TPH2: variants seen among roughly 807,000 people sequenced by gnomAD.
TPH2 encodes the protein tryptophan 5-hydroxylase 2.
Under a neutral mutation model 59.1 loss-of-function variants are expected in TPH2, and 27 were observed. The ratio of observed to expected loss-of-function variants is 0.46; its 90% CI spans 0.34 to 0.63. TPH2 has a LOEUF of 0.63. Ranked by LOEUF, TPH2 falls within the 30% of genes least tolerant of loss-of-function variation. The probability of loss-of-function intolerance (pLI) is 0.01; values close to 1 mark genes in which losing one functional copy is unlikely to be tolerated. For synonymous variants in TPH2, 220 were observed against 210.5 expected, an observed-to-expected ratio of 1.05 and a Z score of -0.39; for missense variants, 523 against 588.3, an observed-to-expected ratio of 0.89 and a Z score of 1.15.
intron 7 of TPH2, among the ~76,000 whole-genome samples, chr12:71,988,079 A>G (rs530288296): frequency 7.9e-5 from 12 of 152,326 alleles, no homozygotes; most frequent in Admixed American, 6.5e-4. Flanking sequence ...GTGCAGATAC[A>G]GAACATTTTT....
At chr12:72,021,325 T>A (rs747390729) in intron 8 of TPH2, among the ~76,000 whole-genome samples, 6 of 151,794 alleles carry the variant, frequency 4.0e-5, no homozygotes, top group Non-Finnish European at 5.9e-5. Flanking sequence ...GAAGTTGTAG[T>A]AGTTGATGCT....
intron 4 of TPH2, among the ~76,000 whole-genome samples, chr12:71,946,340 T>C (rs2139180813): frequency 6.6e-6 from 1 of 152,290 alleles, no homozygotes; most frequent in Non-Finnish European, 1.5e-5. Flanking sequence ...TTAGTCTAGT[T>C]TGAAAATTAC....
At chr12:72,021,016 C>A (rs1217597709) in intron 8 of TPH2, among the ~76,000 whole-genome samples, 1 of 107,132 alleles carries the variant, frequency 9.3e-6, no homozygotes, top group African/African-American at 2.9e-5. Flanking sequence ...CTGACACGTG[C>A]TGGAAATAAT....
intron 9 of TPH2, 132 bp from the exon 10 acceptor site, chr12:72,031,126 T>C: frequency 8.1e-7 from 1 of 1,240,234 alleles, no homozygotes; most frequent in Non-Finnish European, 1.2e-6. Context: ...GAGTTCCATA[T>C]TTCATGACAG....
chr12:71,945,462 G>A (rs2139179998), intron 4 of TPH2, among the ~76,000 whole-genome samples: 1 of 152,130 alleles, frequency 6.6e-6, no homozygotes, highest in Non-Finnish European at 1.5e-5. Context: ...GTCTAAAAAT[G>A]GGCAGATAAA....
At chr12:71,976,277 T>TA (rs1341686179) in intron 6 of TPH2, among the ~76,000 whole-genome samples, 1 of 152,230 alleles carries the variant, frequency 6.6e-6, no homozygotes, top group Non-Finnish European at 1.5e-5. Flanking sequence ...GTCTTAGCTA[T>TA]TTCCTTTGTT....
intron 6 of TPH2, among the ~76,000 whole-genome samples, chr12:71,978,215 TAAAA>T (rs60298553): frequency 6.9e-6 from 1 of 144,484 alleles, no homozygotes; most frequent in Non-Finnish European, 1.5e-5. Flanking sequence ...AATGCATATT[TAAAA>T]AAAAAAAAAG....
At chr12:72,006,273 A>G (rs1428961716) in intron 8 of TPH2, among the ~76,000 whole-genome samples, 3 of 152,152 alleles carry the variant, frequency 2.0e-5, no homozygotes, top group Non-Finnish European at 4.4e-5. Flanking sequence ...TTTATGCAGG[A>G]CTATCATAAT....
chr12:71,957,164 A>G (rs1871531446), intron 5 of TPH2, among the ~76,000 whole-genome samples: 1 of 152,074 alleles, frequency 6.6e-6, no homozygotes, highest in Non-Finnish European at 1.5e-5. Flanking sequence ...AACACCTTGC[A>G]TGATTGGGAG....
chr12:71,958,679 C>A (rs1304359369), intron 5 of TPH2, among the ~76,000 whole-genome samples: 2 of 152,210 alleles, frequency 1.3e-5, no homozygotes, highest in African/African-American at 4.8e-5. Context: ...TACCCAAAGC[C>A]TGACCCTCGT....
Position 72,022,503 on chromosome 12 carries a change from C to G in TPH2, c.1164+9C>G. ...CCATTGGAGAATTAAAGGTATGAAG[C>G]TGTGAATGAAAATACCCTTCCCATG... On this transcript the variant is annotated intron_variant, in intron 9 of 10. Coordinates refer to ENST00000333850, the MANE Select transcript of TPH2 (RefSeq NM_173353.4). 1.3e-6 allele frequency: 2 copies of G among 1,595,952 alleles called. No individual in the cohort carries two copies. Among genetic ancestry groups the G allele is most frequent in the Non-Finnish European group, 1.7e-6 (2 of 1,163,400 alleles).
chr12:71,938,938 G>A lies in TPH2; in HGVS notation c.-49G>A, dbSNP rs1164875921. ...CTCAATCTCCGCCAGCGCTGCTACT[G>A]CCCCTCTAGTACCCCCTGCTGCAGA... is the stretch of plus-strand genomic sequence containing the variant. On this transcript the variant is annotated 5_prime_UTR_variant, in exon 1 of 11. Coordinates refer to ENST00000333850, the MANE Select transcript of TPH2 (RefSeq NM_173353.4). 6.7e-7 allele frequency: 1 copy of A among 1,487,672 alleles called. No individual in the cohort carries two copies. The highest frequency in any genetic ancestry group is 9.4e-7 in the Non-Finnish European group (1 of 1,066,526). 92.2% of individuals were successfully genotyped at this position (1,487,672 alleles called of 1,614,324 possible).
intron 8 of TPH2, among the ~76,000 whole-genome samples, chr12:72,014,303 G>A (rs541552861): frequency 6.6e-6 from 1 of 152,136 alleles, no homozygotes; most frequent in South Asian, 2.1e-4. Context: ...ATTTTACATA[G>A]GACTAGCCCA....
intron 8 of TPH2, among the ~76,000 whole-genome samples, chr12:72,019,580 T>C (rs1873353163): frequency 6.6e-6 from 1 of 152,206 alleles, no homozygotes; most frequent in Non-Finnish European, 1.5e-5. Context: ...AATAGTCACA[T>C]TCCCTGCTTA....
At chr12:72,017,835 G>A (rs1566166816) in intron 8 of TPH2, among the ~76,000 whole-genome samples, 1 of 152,112 alleles carries the variant, frequency 6.6e-6, no homozygotes, top group Non-Finnish European at 1.5e-5. Flanking sequence ...AGGGGTCATC[G>A]AGTGCAACTC....
intron 7 of TPH2, among the ~76,000 whole-genome samples, chr12:71,981,228 A>G (rs6582080): frequency 0.58 from 88,302 of 151,788 alleles, 25,910 homozygotes; most frequent in African/African-American, 0.62. Context: ...ATACATGTGC[A>G]AGGCTTGTTA....
chr12:72,024,754 T>A (rs1284959019), intron 9 of TPH2, among the ~76,000 whole-genome samples: 1 of 152,214 alleles, frequency 6.6e-6, no homozygotes, highest in Non-Finnish European at 1.5e-5. Flanking sequence ...GATGAATCTG[T>A]TGTTTTTGTT....
At chr12:71,972,736 T>C in intron 6 of TPH2, 21 bp downstream of exon 6, 2 of 1,610,612 alleles carry the variant, frequency 1.2e-6, no homozygotes, top group South Asian at 2.2e-5. Context: ...ACACAGGCTG[T>C]CTCTTATTAG....
At chr12:72,002,681 GAT>G (rs1872856236) in intron 8 of TPH2, among the ~76,000 whole-genome samples, 2 of 151,594 alleles carry the variant, frequency 1.3e-5, no homozygotes, top group African/African-American at 4.8e-5. Context: ...CATTTTAGGA[GAT>G]ATAAATCTAG....
Sources: allele counts gnomAD v4.1 joint callset (sites outside exome capture counted in the v4.1 genomes callset), GRCh38; gene constraint gnomAD v4.1.1; transcripts MANE v1.5; gene names NCBI Gene and HGNC (gene_info 2026-07-23, HGNC 2026-07-21).